Variants in NTM observed in about 807,000 individuals in gnomAD.
NTM encodes the protein IgLON family member 2.
NTM carries 13 observed loss-of-function variants against 42.1 expected under a neutral mutation model. That is an observed-to-expected ratio of 0.31 (90% CI 0.20 to 0.49). The LOEUF is 0.49. Ranked by LOEUF, NTM falls within the 20% of genes least tolerant of loss-of-function variation. The probability of loss-of-function intolerance (pLI) is 0.99; values close to 1 mark genes in which losing one functional copy is unlikely to be tolerated. For synonymous variants in NTM, 187 were observed against 179.2 expected, an observed-to-expected ratio of 1.04 and a Z score of -0.35; for missense variants, 373 against 452.8, an observed-to-expected ratio of 0.82 and a Z score of 1.60.
rs188004469 is a variant in NTM, at chr11:132,273,565, T to G, written c.527-34124T>G. Among the ~76,000 whole-genome samples, 643 of 152,232 alleles carry G rather than the reference T, an allele frequency of 4.2e-3. 4 individuals carry two copies. The highest frequency in any genetic ancestry group is 0.015 in the African/African-American group (613 of 41,528). On this transcript the variant is annotated intron_variant, in intron 4 of 8. Transcript: ENST00000683400. Reference sequence around the variant, plus strand: ...GCCTAAGCTTTCTTTGTGAGTAACTTTTGATTACTAATTTAATATGTTTGT... The same window carrying G: ...GCCTAAGCTTTCTTTGTGAGTAACTGTTGATTACTAATTTAATATGTTTGT...
intron 1 of NTM, chr11:131,536,334 C>T (rs2052213868): frequency 6.6e-6 from 1 of 152,186 alleles, no homozygotes. Context: ...CAGACAGCAC[C>T]AACAATGAGC....
intron 1 of NTM, among the ~76,000 whole-genome samples, chr11:131,411,492 G>GACT (rs1946401702): frequency 6.6e-6 from 1 of 151,502 alleles, no homozygotes; most frequent in Admixed American, 6.6e-5. Flanking sequence ...CACCAGACAA[G>GACT]ACTAAGGGGA....
chr11:131,582,595 TA>T (rs10674279), intron 1 of NTM, among the ~76,000 whole-genome samples: 48,395 of 149,608 alleles, frequency 0.32, 8,965 homozygotes, highest in East Asian at 0.45. Flanking sequence ...TGTTCTTGCT[TA>T]AAAAAAAAAA....
At chr11:131,674,404 C>G (rs1406680783) in intron 1 of NTM, among the ~76,000 whole-genome samples, 2 of 152,200 alleles carry the variant, frequency 1.3e-5, no homozygotes, top group African/African-American at 2.4e-5. Context: ...GGCTTAGCGG[C>G]TGGACGTCCT....
At chr11:131,989,478 C>A (rs192005205) in intron 2 of NTM, among the ~76,000 whole-genome samples, 2 of 152,070 alleles carry the variant, frequency 1.3e-5, no homozygotes, top group African/African-American at 4.8e-5. Context: ...TCACTTAACT[C>A]GCGGGATCAG....
chr11:131,474,674 G>A (rs531239600), intron 1 of NTM, among the ~76,000 whole-genome samples: 188 of 152,098 alleles, frequency 1.2e-3, no homozygotes, highest in Middle Eastern at 3.4e-3. Flanking sequence ...ATCTCTTCCC[G>A]TGCTCCATTC....
chr11:131,805,129 T>C (rs978958365), intron 1 of NTM, among the ~76,000 whole-genome samples: 1 of 152,192 alleles, frequency 6.6e-6, no homozygotes, highest in Non-Finnish European at 1.5e-5. Context: ...TATGCTCCTA[T>C]AAAGTAGAGG....
chr11:131,903,810 A>G (rs1266636410), intron 1 of NTM, among the ~76,000 whole-genome samples: 1 of 152,156 alleles, frequency 6.6e-6, no homozygotes, highest in Non-Finnish European at 1.5e-5. Flanking sequence ...GGAATTCCAG[A>G]CCCTGGATCC....
At chr11:132,273,924 A>AAACAG (rs2093610006) in intron 4 of NTM, among the ~76,000 whole-genome samples, 1 of 152,122 alleles carries the variant, frequency 6.6e-6, no homozygotes, top group South Asian at 2.1e-4. Context: ...AAACAAAACA[A>AAACAG]CAACAACAAA....
intron 1 of NTM, among the ~76,000 whole-genome samples, chr11:131,474,479 C>T (rs1253780762): frequency 1.3e-5 from 2 of 152,088 alleles, no homozygotes; most frequent in African/African-American, 4.8e-5. Context: ...CCTACATGCC[C>T]ACCTGTCTGC....
intron 1 of NTM, among the ~76,000 whole-genome samples, chr11:131,434,455 T>C (rs1279175489): frequency 6.6e-6 from 1 of 152,208 alleles, no homozygotes; most frequent in Non-Finnish European, 1.5e-5. Flanking sequence ...ATCTGTTGTT[T>C]CCTGACTTTT....
At chr11:132,118,152 A>G (rs1393706227) in intron 2 of NTM, among the ~76,000 whole-genome samples, 1 of 152,186 alleles carries the variant, frequency 6.6e-6, no homozygotes. Context: ...AGCTTCAAAC[A>G]TGAATTTCTT....
intron 1 of NTM, among the ~76,000 whole-genome samples, chr11:131,847,968 A>C (rs2045109206): frequency 6.6e-6 from 1 of 152,198 alleles, no homozygotes; most frequent in Non-Finnish European, 1.5e-5. Context: ...ACCATCCTGG[A>C]GGCTGGCTAC....
intron 1 of NTM, among the ~76,000 whole-genome samples, chr11:131,570,140 C>T (rs559820547): frequency 7.9e-5 from 12 of 152,304 alleles, no homozygotes; most frequent in African/African-American, 2.6e-4. Flanking sequence ...TCTGTGCTCC[C>T]ATAACTGAAA....
At chr11:132,273,270 G>A (rs578088382) in intron 4 of NTM, among the ~76,000 whole-genome samples, 7 of 134,458 alleles carry the variant, frequency 5.2e-5, no homozygotes, top group East Asian at 4.3e-4. Context: ...TTCATAGTGC[G>A]TAATCATTTT....
At chr11:131,405,129 A>T (rs76633940) in intron 1 of NTM, among the ~76,000 whole-genome samples, 1 of 152,316 alleles carries the variant, frequency 6.6e-6, no homozygotes, top group African/African-American at 2.4e-5. Context: ...AGAAATGGGC[A>T]AATCCCTTGG....
At chr11:132,181,199 C>T (rs1021832751) in intron 3 of NTM, among the ~76,000 whole-genome samples, 4 of 152,182 alleles carry the variant, frequency 2.6e-5, no homozygotes, top group Non-Finnish European at 5.9e-5. Context: ...CCAACTCTCA[C>T]CACTCCATCT....
At chr11:131,857,208 T>C (rs2046192074) in intron 1 of NTM, among the ~76,000 whole-genome samples, 1 of 152,200 alleles carries the variant, frequency 6.6e-6, no homozygotes, top group Admixed American at 6.5e-5. Context: ...ACTCCTTTAC[T>C]TGTCGTTGAA....
At chr11:131,559,639 C>G (rs997095901) in intron 1 of NTM, among the ~76,000 whole-genome samples, 1 of 152,294 alleles carries the variant, frequency 6.6e-6, no homozygotes, top group South Asian at 2.1e-4. Context: ...GTAATCAGGC[C>G]TCTCCCAAAA....
Sources: gnomAD v4.1 joint callset for allele counts (sites outside exome capture counted in the v4.1 genomes callset) on GRCh38, gnomAD v4.1.1 for gene constraint, MANE v1.5 for transcripts, NCBI Gene and HGNC (gene_info 2026-07-23, HGNC 2026-07-21) for gene names.